The following HIRA variants were observed in gnomAD, a reference collection of about 807,000 sequenced individuals.
HIRA encodes the protein histone cell cycle regulator, also known as protein HIRA.
A neutral mutation model predicts 126.6 loss-of-function variants in HIRA; 13 were observed. The observed-to-expected ratio is 0.10, with a 90% CI of 0.07 to 0.16. The LOEUF is 0.16. Ranked by LOEUF, HIRA falls within the 10% of genes least tolerant of loss-of-function variation. The pLI, the probability that HIRA is intolerant of heterozygous loss-of-function variation, is 1.00. For synonymous variants in HIRA, 511 were observed against 520.0 expected, an observed-to-expected ratio of 0.98 and a Z score of 0.24; for missense variants, 834 against 1,314.4, an observed-to-expected ratio of 0.63 and a Z score of 5.65.
chr22:19,405,638 G>C (rs541270739), intron 5 of HIRA, 148 bp downstream of exon 5: 5 of 859,450 alleles, frequency 5.8e-6, no homozygotes. Context: ...TTAAGGGACA[G>C]GCAGGGTGTG....
chr22:19,348,957 T>G (rs1182765970), intron 24 of HIRA, among the ~76,000 whole-genome samples: 5 of 151,614 alleles, frequency 3.3e-5, no homozygotes, highest in Non-Finnish European at 7.4e-5. Flanking sequence ...AGCTAATTTT[T>G]TTTTTTAGTA....
chr22:19,381,962 A>C (rs2089077225), intron 13 of HIRA, among the ~76,000 whole-genome samples: 1 of 152,174 alleles, frequency 6.6e-6, no homozygotes, highest in Non-Finnish European at 1.5e-5. Flanking sequence ...CACTTTTAGT[A>C]ATTTTATTTT....
At chr22:19,368,632 G>A (rs185441050) in intron 15 of HIRA, among the ~76,000 whole-genome samples, 55 of 152,214 alleles carry the variant, frequency 3.6e-4, no homozygotes, top group African/African-American at 1.3e-3. Flanking sequence ...GAATTTTCCT[G>A]GTTCAGACTG....
chr22:19,364,721 C>T (rs2088896368), intron 15 of HIRA, among the ~76,000 whole-genome samples: 1 of 152,164 alleles, frequency 6.6e-6, no homozygotes, highest in Middle Eastern at 3.2e-3. Context: ...CTCCCCAGGC[C>T]TCCCTATTAT....
In HIRA at chr22:19,331,362, G is replaced by C. The variant is rs782125376; in HGVS notation, c.*78C>G. 1.4e-5 allele frequency: 22 copies of C among 1,605,516 alleles called. No homozygotes were observed. The highest frequency in any genetic ancestry group is 1.9e-5 in the Non-Finnish European group (22 of 1,179,160). On this transcript the variant is annotated 3_prime_UTR_variant, in exon 25 of 25. Coordinates refer to ENST00000263208, the MANE Select transcript of HIRA (RefSeq NM_003325.4). ...TCTCCTCCCCCTACAGCCTGGTCAG[G>C]TGAGAGGCGGTCCTGCATGTCATCA...
At chr22:19,389,750 C>T (rs775467607) in intron 9 of HIRA, among the ~76,000 whole-genome samples, 9 of 151,748 alleles carry the variant, frequency 5.9e-5, no homozygotes, top group African/African-American at 1.9e-4. Flanking sequence ...TTGGTTGCAG[C>T]GCCACAAACA....
At chr22:19,359,091 C>T (rs1477861170) in intron 18 of HIRA, among the ~76,000 whole-genome samples, 1 of 152,148 alleles carries the variant, frequency 6.6e-6, no homozygotes, top group African/African-American at 2.4e-5. Context: ...AAAGCTTGGC[C>T]TGGGTAACCC....
At chr22:19,368,295 T>C (rs369630499) in intron 15 of HIRA, among the ~76,000 whole-genome samples, 8 of 152,250 alleles carry the variant, frequency 5.3e-5, no homozygotes, top group African/African-American at 1.9e-4. Flanking sequence ...AAGAGGCCCA[T>C]GACGCTGCTC....
intron 5 of HIRA, chr22:19,405,454 T>C (rs879520493): frequency 7.1e-6 from 7 of 983,476 alleles, no homozygotes; most frequent in Non-Finnish European, 8.5e-6. Context: ...ATAAACAAAG[T>C]GTGCTTACGG....
intron 4 of HIRA, 61 bp from the exon 5 acceptor site, chr22:19,405,941 C>A: frequency 9.1e-7 from 1 of 1,102,896 alleles, no homozygotes; most frequent in Non-Finnish European, 1.2e-6. Flanking sequence ...CATAGAAATG[C>A]TCCCTGCAGC....
In HIRA at chr22:19,341,843, C is replaced by A. The variant is rs1055671854; in HGVS notation, c.2937+9515G>T. 2.0e-5 allele frequency among the ~76,000 whole-genome samples: 3 copies of A among 152,294 alleles called. No homozygotes were observed. The East Asian group carries it at 5.8e-4, about 29-fold the overall frequency. ...TTAAATCTACGATCTGAAACCACAA[C>A]AATTCTAGAAGATAACATCGGAAAA... On this transcript the variant is annotated intron_variant, in intron 24 of 24. Transcript: ENST00000263208.
chr22:19,363,228 G>A (rs2088881032), intron 15 of HIRA, among the ~76,000 whole-genome samples: 2 of 147,004 alleles, frequency 1.4e-5, no homozygotes, highest in Non-Finnish European at 3.0e-5. Flanking sequence ...GTGAGATTCC[G>A]TCTCAAAAAA....
chr22:19,365,088 A>G (rs1014479372), intron 15 of HIRA, among the ~76,000 whole-genome samples: 3 of 152,352 alleles, frequency 2.0e-5, no homozygotes, highest in South Asian at 4.1e-4. Context: ...TTTCATTTCT[A>G]TGAAGGCTGA....
At position 19,355,826 on chromosome 22, in the gene HIRA, T is replaced by C. The variant is rs2088806632; in HGVS notation, c.2495A>G (p.His832Arg). The C allele has an allele frequency of 6.2e-7, 1 of 1,614,084 alleles. No individual in the cohort carries two copies. Among genetic ancestry groups the C allele is most frequent in the South Asian group, 1.1e-5 (1 of 91,048 alleles). The change falls in exon 21 of 25, where the codon CAT (histidine) becomes CGT (arginine). Residue 832 changes from histidine (H) to arginine (R), a missense_variant. By Grantham distance (29) the His-to-Arg change is conservative. Around this residue, in one of 5 missense-constraint regions of HIRA, gnomAD observed 468 missense variants for 574.2 expected, o/e 0.82. Transcript: ENST00000263208. Reference sequence around the variant, plus strand: ...GGACAGGTTCATTACTGGGATTCCATGCTGCGTCAGCAAGATCTGTGATAC... The same window carrying C: ...GGACAGGTTCATTACTGGGATTCCACGCTGCGTCAGCAAGATCTGTGATAC... ...MTVSQILLTQ[H>R]GIPVMNLSDG... is the part of the protein sequence containing the mutation.
rs782730157 is a variant in HIRA, at chr22:19,355,716, C to G, written c.2561+44G>C. On this transcript the variant is annotated intron_variant, in intron 21 of 24. Coordinates refer to ENST00000263208, the MANE Select transcript of HIRA (RefSeq NM_003325.4). ...CCTTTGCTCTGCTGTCTAGAGCAGA[C>G]AGACACTCTTCCAGGGAATAGGACT... 6.4e-5 allele frequency: 90 copies of G among 1,410,074 alleles called. No homozygotes were observed. In the Admixed American group the frequency reaches 8.4e-4, roughly 13 times the overall value. 87.3% of individuals were successfully genotyped at this position (1,410,074 alleles called of 1,614,324 possible).
At chr22:19,401,363 G>C (rs1460562601) in intron 5 of HIRA, among the ~76,000 whole-genome samples, 1 of 152,176 alleles carries the variant, frequency 6.6e-6, no homozygotes, top group Admixed American at 6.5e-5. Context: ...CTGGCCTCAA[G>C]TGATCCTCAT....
chr22:19,363,272 T>C (rs569772737), intron 15 of HIRA, among the ~76,000 whole-genome samples: 2 of 151,594 alleles, frequency 1.3e-5, no homozygotes, highest in East Asian at 3.9e-4. Context: ...GAAATGGGTT[T>C]ATGTTTTTAA....
chr22:19,424,656 G>T (rs932586165), intron 1 of HIRA, among the ~76,000 whole-genome samples: 1 of 151,654 alleles, frequency 6.6e-6, no homozygotes, highest in Non-Finnish European at 1.5e-5. Flanking sequence ...TAGCAAATTA[G>T]AAAGAGTAAG....
chr22:19,391,594 T>C (rs1269950516), intron 9 of HIRA, among the ~76,000 whole-genome samples: 1 of 151,640 alleles, frequency 6.6e-6, no homozygotes, highest in East Asian at 1.9e-4. Flanking sequence ...CCATTCTCCG[T>C]CTCAGCCTCC....
Sources: gnomAD v4.1 joint callset for allele counts (sites outside exome capture counted in the v4.1 genomes callset) on GRCh38, gnomAD v4.1.1 for gene constraint, gnomAD v4.1.1 regional missense constraint, MANE v1.5 for transcripts, NCBI Gene and HGNC (gene_info 2026-07-23, HGNC 2026-07-21) for gene names.